VAV3: variants seen among roughly 807,000 people sequenced by gnomAD.
The protein encoded by VAV3 is guanine nucleotide exchange factor VAV3.
Under a neutral mutation model 131.2 loss-of-function variants are expected in VAV3, and 94 were observed. The observed-to-expected ratio is 0.72, with a 90% CI of 0.61 to 0.85. VAV3 has a LOEUF of 0.85. Ranked by LOEUF, VAV3 falls within the 40% of genes least tolerant of loss-of-function variation. The probability of loss-of-function intolerance (pLI) is 0.00; values close to 1 mark genes in which losing one functional copy is unlikely to be tolerated. For synonymous variants in VAV3, 349 were observed against 342.0 expected (o/e 1.02, Z -0.22); for missense variants, 939 against 1,002.7 (o/e 0.94, Z 0.86).
At position 107,950,031 on chromosome 1, in the gene VAV3, AGCCTGGGTGCT is replaced by A. The variant is rs1199284747; in HGVS notation, c.204+14624_204+14634del. On this transcript the variant is annotated intron_variant, in intron 1 of 26. Coordinates refer to ENST00000370056, the MANE Select transcript of VAV3 (RefSeq NM_006113.5). ...GAGCTGGTTGCAAGAGGGGACAAACAGCCTGGGTGCTGCTGGGAACTGAAAAACGTGACTTG... is the reference window on the plus strand; with the variant it reads ...GAGCTGGTTGCAAGAGGGGACAAACAGCTGGGAACTGAAAAACGTGACTTG... Among the ~76,000 whole-genome samples the A allele has an allele frequency of 7.2e-5, 11 of 152,270 alleles. No homozygotes were observed. The East Asian group carries it at 1.7e-3, about 24-fold the overall frequency.
intron 15 of VAV3, among the ~76,000 whole-genome samples, chr1:107,746,863 T>C (rs1277150196): frequency 2.0e-5 from 3 of 148,178 alleles, no homozygotes; most frequent in Non-Finnish European, 4.4e-5. Context: ...CTGACAATAG[T>C]ATTTATCTTG....
intron 19 of VAV3, among the ~76,000 whole-genome samples, chr1:107,665,807 AGGTCGT>A: frequency 1.3e-5 from 2 of 152,282 alleles, no homozygotes; most frequent in East Asian, 3.9e-4. Flanking sequence ...CATACCTACT[AGGTCGT>A]CTCCTGGTTG....
At chr1:107,870,008 A>T (rs1273666820) in intron 2 of VAV3, among the ~76,000 whole-genome samples, 4 of 152,206 alleles carry the variant, frequency 2.6e-5, no homozygotes, top group African/African-American at 7.2e-5. Flanking sequence ...GTATTCCGTC[A>T]TATATACAAT....
intron 2 of VAV3, among the ~76,000 whole-genome samples, chr1:107,814,457 T>A (rs1487680018): frequency 6.6e-6 from 1 of 151,698 alleles, no homozygotes; most frequent in East Asian, 1.9e-4. Flanking sequence ...CTTTGAGAAA[T>A]GTTTATTCAT....
chr1:107,678,513 ACT>A (rs1315513899), intron 19 of VAV3, among the ~76,000 whole-genome samples: 1 of 152,080 alleles, frequency 6.6e-6, no homozygotes, highest in Non-Finnish European at 1.5e-5. Flanking sequence ...ATTTGAAAAC[ACT>A]CTGTTGTTAT....
At chr1:107,916,676 T>G (rs1326252067) in intron 1 of VAV3, among the ~76,000 whole-genome samples, 2 of 152,132 alleles carry the variant, frequency 1.3e-5, no homozygotes, top group Non-Finnish European at 2.9e-5. Flanking sequence ...ATAAATAACA[T>G]AAGTTCTGGG....
At chr1:107,575,814 C>A (rs1414822327) in intron 25 of VAV3, among the ~76,000 whole-genome samples, 1 of 152,066 alleles carries the variant, frequency 6.6e-6, no homozygotes, top group Admixed American at 6.5e-5. Flanking sequence ...TTTTAAAAAT[C>A]GGTCAGAAAA....
intron 20 of VAV3, among the ~76,000 whole-genome samples, chr1:107,624,374 CTGTGTGTG>C (rs59476510): frequency 0.05 from 7,155 of 143,258 alleles, 200 homozygotes; most frequent in Middle Eastern, 0.11. Context: ...AGTCTTATGA[CTGTGTGTG>C]TGTGTGTGTG....
intron 25 of VAV3, chr1:107,578,888 C>G: frequency 2.0e-6 from 2 of 985,024 alleles, no homozygotes; most frequent in Non-Finnish European, 2.4e-6. Flanking sequence ...TAAGTTAGCT[C>G]TAGAAGAGAG....
At chr1:107,834,910 C>T (rs954820194) in intron 2 of VAV3, among the ~76,000 whole-genome samples, 1 of 152,096 alleles carries the variant, frequency 6.6e-6, no homozygotes, top group Non-Finnish European at 1.5e-5. Flanking sequence ...CAGGAGATCC[C>T]ATGACCCCCA....
At chr1:107,631,941 T>C (rs1417335515) in intron 20 of VAV3, among the ~76,000 whole-genome samples, 4 of 152,040 alleles carry the variant, frequency 2.6e-5, no homozygotes, top group South Asian at 2.1e-4. Context: ...TAAACATACG[T>C]GTGCATGTAC....
chr1:107,581,237 C>A (rs917773841), intron 25 of VAV3, among the ~76,000 whole-genome samples: 3 of 152,192 alleles, frequency 2.0e-5, no homozygotes, highest in Non-Finnish European at 4.4e-5. Flanking sequence ...CAAACACTTT[C>A]AACTCCATAT....
chr1:107,758,610 C>G (rs12118255), intron 10 of VAV3, among the ~76,000 whole-genome samples: 35,380 of 151,870 alleles, frequency 0.23, 4,479 homozygotes, highest in Non-Finnish European at 0.27. Context: ...TTCTGATCGG[C>G]CTTCTGACTT....
chr1:107,920,790 C>A (rs1672857636), intron 1 of VAV3, among the ~76,000 whole-genome samples: 1 of 152,190 alleles, frequency 6.6e-6, no homozygotes, highest in African/African-American at 2.4e-5. Flanking sequence ...TTACAGTGAT[C>A]AGCACATTTT....
chr1:107,891,838 C>CA (rs35693360), intron 1 of VAV3, among the ~76,000 whole-genome samples: 3,845 of 27,634 alleles, frequency 0.14, 452 homozygotes, highest in Non-Finnish European at 0.19. Flanking sequence ...GACTCCGTCT[C>CA]AAAAAAAAAA....
chr1:107,849,808 G>A (rs897602246), intron 2 of VAV3, among the ~76,000 whole-genome samples: 6 of 152,142 alleles, frequency 3.9e-5, no homozygotes, highest in African/African-American at 1.4e-4. Flanking sequence ...GAAAATTTTT[G>A]CAATCTATCC....
intron 1 of VAV3, among the ~76,000 whole-genome samples, chr1:107,910,992 A>G (rs1571129663): frequency 6.7e-6 from 1 of 148,444 alleles, no homozygotes; most frequent in South Asian, 2.1e-4. Context: ...TCATTAAAAG[A>G]AAAAAAAAAG....
At chr1:107,664,875 G>T (rs1355370739) in intron 19 of VAV3, among the ~76,000 whole-genome samples, 1 of 152,224 alleles carries the variant, frequency 6.6e-6, no homozygotes, top group Non-Finnish European at 1.5e-5. Context: ...AGTAAATAGA[G>T]AAGTCAAGTC....
intron 1 of VAV3, among the ~76,000 whole-genome samples, chr1:107,947,998 C>T (rs912546019): frequency 6.6e-6 from 1 of 152,188 alleles, no homozygotes; most frequent in Admixed American, 6.5e-5. Context: ...ATTTGGGACA[C>T]ATTTTTGTTA....
Sources: allele counts gnomAD v4.1 joint callset (sites outside exome capture counted in the v4.1 genomes callset), GRCh38; gene constraint gnomAD v4.1.1; transcripts MANE v1.5; gene names NCBI Gene and HGNC (gene_info 2026-07-23, HGNC 2026-07-21).